The following FSTL5 variants were observed in gnomAD, a reference collection of about 807,000 sequenced individuals.
FSTL5 encodes follistatin-related protein 5.
In FSTL5, 62 loss-of-function variants were observed where a neutral mutation model predicts 89.1. That is an observed-to-expected ratio of 0.70 (90% CI 0.57 to 0.86). The LOEUF (loss-of-function observed/expected upper bound fraction) is 0.86, where lower values mean the gene tolerates loss of function less well. Among genes scored for constraint, FSTL5 ranks in the 40% least tolerant of loss-of-function variants. The probability of loss-of-function intolerance (pLI) is 0.00; values close to 1 mark genes in which losing one functional copy is unlikely to be tolerated. For missense variants in FSTL5, 1,057 were observed against 1,001.6 expected (o/e 1.06, Z -0.75); for synonymous variants, 383 against 346.2 (o/e 1.11, Z -1.18).
intron 8 of FSTL5, among the ~76,000 whole-genome samples, chr4:161,566,581 T>C (rs1187828393): frequency 2.0e-5 from 3 of 152,086 alleles, no homozygotes; most frequent in African/African-American, 7.2e-5. Context: ...CAGCAGTTCG[T>C]AAGTATTCCT....
At chr4:161,441,675 G>A (rs557915854) in intron 15 of FSTL5, among the ~76,000 whole-genome samples, 78 of 152,086 alleles carry the variant, frequency 5.1e-4, no homozygotes, top group Non-Finnish European at 3.2e-4. Context: ...TCTACCTGAG[G>A]AAAAAATAGG....
At chr4:161,716,394 C>T (rs992036106) in intron 6 of FSTL5, among the ~76,000 whole-genome samples, 51 of 151,992 alleles carry the variant, frequency 3.4e-4, no homozygotes, top group African/African-American at 1.2e-3. Flanking sequence ...GTCAGGAGTT[C>T]GAGAACAGCC....
At chr4:161,835,996 C>A (rs1251258126) in intron 4 of FSTL5, among the ~76,000 whole-genome samples, 2 of 152,106 alleles carry the variant, frequency 1.3e-5, no homozygotes, top group Non-Finnish European at 2.9e-5. Flanking sequence ...TATAAAGACA[C>A]ATGCACACAT....
At chr4:161,668,264 C>A (rs1257824792) in intron 6 of FSTL5, among the ~76,000 whole-genome samples, 1 of 152,114 alleles carries the variant, frequency 6.6e-6, no homozygotes, top group East Asian at 1.9e-4. Flanking sequence ...AATTTGATAA[C>A]CTAGGTTAAA....
intron 2 of FSTL5, among the ~76,000 whole-genome samples, chr4:162,058,193 A>G (rs1358952820): frequency 6.6e-6 from 1 of 152,002 alleles, no homozygotes; most frequent in Non-Finnish European, 1.5e-5. Context: ...TAGAGGAGGA[A>G]TCCAAATGAT....
At chr4:161,781,109 T>A (rs887300149) in intron 4 of FSTL5, among the ~76,000 whole-genome samples, 5 of 152,086 alleles carry the variant, frequency 3.3e-5, no homozygotes, top group Non-Finnish European at 7.4e-5. Context: ...CTGTTTTTCC[T>A]CAAATTACTC....
chr4:161,789,119 C>G (rs1264091483), intron 4 of FSTL5, among the ~76,000 whole-genome samples: 1 of 151,964 alleles, frequency 6.6e-6, no homozygotes, highest in Admixed American at 6.6e-5. Flanking sequence ...ATATTTGTAT[C>G]TATACACTAA....
intron 15 of FSTL5, among the ~76,000 whole-genome samples, chr4:161,431,369 T>C (rs563714341): frequency 1.3e-5 from 2 of 152,162 alleles, no homozygotes; most frequent in South Asian, 2.1e-4. Flanking sequence ...TGATTATTTA[T>C]GTAGTCAGTA....
chr4:161,607,110 C>T (rs964502615), intron 7 of FSTL5, among the ~76,000 whole-genome samples: 1 of 152,044 alleles, frequency 6.6e-6, no homozygotes, highest in Non-Finnish European at 1.5e-5. Context: ...AAACAGTGCG[C>T]TAACCCACAA....
chr4:161,407,813 C>T lies in FSTL5; in HGVS notation c.1842-21364G>A, dbSNP rs147550210. ...CATAGGAACATGTATATAGTGCAGC[C>T]TCCACTGCCCAGCCTGAGTGCTTTG... On this transcript the variant is annotated intron_variant, in intron 15 of 15. Transcript: ENST00000306100. 6.0e-3 allele frequency among the ~76,000 whole-genome samples: 919 copies of T among 152,334 alleles called. 7 individuals carry two copies. Among genetic ancestry groups the T allele is most frequent in the Middle Eastern group, 0.024 (7 of 294 alleles).
At chr4:161,915,604 G>A (rs1002794184) in intron 4 of FSTL5, among the ~76,000 whole-genome samples, 1 of 152,038 alleles carries the variant, frequency 6.6e-6, no homozygotes, top group African/African-American at 2.4e-5. Context: ...AAACATAAGG[G>A]ATTAATAAAA....
intron 2 of FSTL5, among the ~76,000 whole-genome samples, chr4:162,102,621 T>A (rs1187147443): frequency 6.9e-6 from 1 of 145,642 alleles, no homozygotes; most frequent in Non-Finnish European, 1.5e-5. Flanking sequence ...ATATATAAAA[T>A]ATTTATAACA....
At chr4:161,886,819 C>CTA (rs1732823159) in intron 4 of FSTL5, among the ~76,000 whole-genome samples, 1 of 152,106 alleles carries the variant, frequency 6.6e-6, no homozygotes, top group Non-Finnish European at 1.5e-5. Context: ...AATGCACATG[C>CTA]TAAATATGAT....
At chr4:161,988,697 C>T (rs11100402) in intron 3 of FSTL5, among the ~76,000 whole-genome samples, 25,896 of 151,958 alleles carry the variant, frequency 0.17, 2,279 homozygotes, top group Non-Finnish European at 0.18. Context: ...TTCTCACATA[C>T]TTTAATTTTT....
At chr4:161,675,738 T>C (rs946544908) in intron 6 of FSTL5, among the ~76,000 whole-genome samples, 2 of 152,030 alleles carry the variant, frequency 1.3e-5, no homozygotes, top group Admixed American at 1.3e-4. Context: ...AAGGAAATTG[T>C]TTTTTTACTT....
At chr4:161,823,356 G>T (rs1378866026) in intron 4 of FSTL5, among the ~76,000 whole-genome samples, 3 of 152,092 alleles carry the variant, frequency 2.0e-5, no homozygotes, top group Admixed American at 6.5e-5. Context: ...TGCTCTCAGA[G>T]CCCCCTGGCC....
intron 2 of FSTL5, among the ~76,000 whole-genome samples, chr4:162,070,283 C>T (rs997686755): frequency 1.3e-5 from 2 of 151,638 alleles, no homozygotes; most frequent in African/African-American, 2.4e-5. Context: ...TTAGACAAAC[C>T]CTTTGCAAGT....
In FSTL5 at chr4:161,758,074, G is replaced by A. The variant is rs184572742; in HGVS notation, c.727+1337C>T. Among the ~76,000 whole-genome samples, 516 of 152,084 alleles carry A rather than the reference G, an allele frequency of 3.4e-3. 5 individuals carry two copies. The highest frequency in any genetic ancestry group is 0.012 in the African/African-American group (479 of 41,490). On this transcript the variant is annotated intron_variant, in intron 6 of 15. Coordinates refer to ENST00000306100, the MANE Select transcript of FSTL5 (RefSeq NM_020116.5). The stretch of plus-strand genomic sequence containing the variant: ...CATATCCAAAGAGCGTATTTTTATC[G>A]TGATTTAAAAATTTATAAGCTACAA...
At chr4:161,917,766 G>T (rs1232374895) in intron 4 of FSTL5, among the ~76,000 whole-genome samples, 2 of 152,070 alleles carry the variant, frequency 1.3e-5, no homozygotes, top group Non-Finnish European at 2.9e-5. Context: ...CACATAAGAA[G>T]ATGTTTAGCA....
Sources: gnomAD v4.1 joint callset for allele counts (sites outside exome capture counted in the v4.1 genomes callset) on GRCh38, gnomAD v4.1.1 for gene constraint, MANE v1.5 for transcripts, NCBI Gene and HGNC (gene_info 2026-07-23, HGNC 2026-07-21) for gene names.